The following SEPTIN8 variants were observed in gnomAD, a reference collection of about 807,000 sequenced individuals.
SEPTIN8 encodes septin-8.
A neutral mutation model predicts 53.1 loss-of-function variants in SEPTIN8; 22 were observed. The ratio of observed to expected loss-of-function variants is 0.41; its 90% CI spans 0.30 to 0.59. SEPTIN8 has a LOEUF of 0.59. Among genes scored for constraint, SEPTIN8 ranks in the 20% least tolerant of loss-of-function variants. SEPTIN8 has a pLI of 0.24. For missense variants in SEPTIN8, 536 were observed against 638.7 expected (o/e 0.84, Z 1.73); for synonymous variants, 228 against 248.4 (o/e 0.92, Z 0.77).
In SEPTIN8 at chr5:132,764,321, G is replaced by C. The variant is rs199555629; in HGVS notation, c.250C>G (p.Arg84Gly). Residue 84 changes from arginine (R) to glycine (G), a missense_variant, in exon 3 of 10, where the codon CGG becomes GGG. Coordinates refer to ENST00000378719, the MANE Select transcript of SEPTIN8 (RefSeq NM_001098811.2). ...ASHHEACVRL[R>G]PQTYDLQESN... ...TCCTGGAGGTCATAGGTCTGGGGCC[G>C]CAGGCGCACGCATGCCTCATGGTGA... 6.2e-7 allele frequency: 1 copy of C among 1,614,198 alleles called. No individual in the cohort carries two copies. Among genetic ancestry groups the C allele is most frequent in the Non-Finnish European group, 8.5e-7 (1 of 1,180,008 alleles).
At chr5:132,757,178 T>C in intron 9 of SEPTIN8, 1 of 976,160 alleles carries the variant, frequency 1.0e-6, no homozygotes, top group Non-Finnish European at 1.2e-6. Flanking sequence ...ATATTAACAT[T>C]GTTTTTCTTA....
rs1210523077 is a variant in SEPTIN8 at position 132,761,573 on chromosome 5, C to G, written c.847G>C (p.Val283Leu). Residue 283 changes from valine (V) to leucine (L), a missense_variant, in exon 7 of 10, where the codon GTG becomes CTG. Val to Leu is a conservative substitution (Grantham distance 32). Coordinates refer to ENST00000378719, the MANE Select transcript of SEPTIN8 (RefSeq NM_001098811.2). The surrounding 1 kb of genome is among the most constrained non-coding windows in gnomAD (Gnocchi z 5.8). ...FVKLREMLIR[V>L]NMEDLREQTH... is the part of the protein sequence containing the mutation. ...TGCTCGCGGAGGTCTTCCATGTTCACCCGGATCAACATCTCCCGCAGCTTC... is the reference window on the plus strand; with the variant it reads ...TGCTCGCGGAGGTCTTCCATGTTCAGCCGGATCAACATCTCCCGCAGCTTC... The G allele has an allele frequency of 5.0e-6, 8 of 1,613,906 alleles. No homozygotes were observed. Among genetic ancestry groups the G allele is most frequent in the Non-Finnish European group, 5.9e-6 (7 of 1,180,006 alleles).
intron 1 of SEPTIN8, among the ~76,000 whole-genome samples, chr5:132,767,274 C>T (rs531469616): frequency 6.6e-6 from 1 of 152,252 alleles, no homozygotes; most frequent in African/African-American, 2.4e-5. Flanking sequence ...CTAGGAGGTG[C>T]TGGGTCAGGT....
At chr5:132,756,185 CAG>C in intron 9 of SEPTIN8, 1 of 985,452 alleles carries the variant, frequency 1.0e-6, no homozygotes, top group South Asian at 4.7e-5. Flanking sequence ...CCCCACTTAA[CAG>C]GGAGCCCACA....
upstream of SEPTIN8, among the ~76,000 whole-genome samples, chr5:132,779,344 G>T (rs1758001585): frequency 6.6e-6 from 1 of 152,172 alleles, no homozygotes; most frequent in East Asian, 1.9e-4. Context: ...AAAAAGATTG[G>T]TCTCACCGTC....
chr5:132,769,836 A>G (rs1201708599), intron 1 of SEPTIN8, among the ~76,000 whole-genome samples: 2 of 151,072 alleles, frequency 1.3e-5, no homozygotes, highest in Non-Finnish European at 2.9e-5. Context: ...GAGAGGTGGG[A>G]ATGGCAGAGA....
chr5:132,762,394 G>T, intron 5 of SEPTIN8, 90 bp downstream of exon 5: 1 of 1,313,946 alleles, frequency 7.6e-7, no homozygotes, highest in East Asian at 2.3e-5. Flanking sequence ...TGGAATCCTG[G>T]GGAACAAGAG....
intron 9 of SEPTIN8, chr5:132,753,402 G>T (rs1325658547): frequency 5.7e-6 from 1 of 176,178 alleles, no homozygotes; most frequent in Non-Finnish European, 1.2e-5. Flanking sequence ...TGCCAGAGCT[G>T]GCCAGGTCCT....
At chr5:132,771,014 GC>G (rs1379250238) in intron 1 of SEPTIN8, among the ~76,000 whole-genome samples, 1 of 152,194 alleles carries the variant, frequency 6.6e-6, no homozygotes, top group African/African-American at 2.4e-5. Context: ...TCTCAGGCCG[GC>G]TGCGTGCCTC....
intron 1 of SEPTIN8, chr5:132,775,736 G>A (rs1189210955): frequency 6.6e-6 from 1 of 152,208 alleles, no homozygotes; most frequent in Non-Finnish European, 1.5e-5. Flanking sequence ...GGCACTCACG[G>A]GTCTCTTGGC....
At chr5:132,777,719 G>T (rs1757930722), upstream of SEPTIN8, 4 of 985,542 alleles carry the variant, frequency 4.1e-6, no homozygotes, top group Non-Finnish European at 4.8e-6. The surrounding 1 kb of genome is among the most constrained non-coding windows in gnomAD (Gnocchi z 4.1). Context: ...ATCCGGGAGA[G>T]GCCGCGGCAG....
chr5:132,779,092 T>C (rs998285083), upstream of SEPTIN8, among the ~76,000 whole-genome samples: 1 of 152,220 alleles, frequency 6.6e-6, no homozygotes, highest in Admixed American at 6.5e-5. Flanking sequence ...CTTCCTTCTT[T>C]TGGGATATAT....
chr5:132,774,028 C>T, intron 1 of SEPTIN8: 1 of 154,888 alleles, frequency 6.5e-6, no homozygotes. Context: ...TTCGGCATGG[C>T]TCAGCAAGGA....
intron 3 of SEPTIN8, 165 bp downstream of exon 3, chr5:132,764,059 A>G: frequency 1.1e-6 from 1 of 934,218 alleles, no homozygotes; most frequent in East Asian, 2.6e-5. Context: ...CCCCTTCTCC[A>G]GACACCTAAA....
intron 1 of SEPTIN8, among the ~76,000 whole-genome samples, chr5:132,770,020 T>TAC (rs1757061649): frequency 2.9e-5 from 1 of 34,338 alleles, no homozygotes; most frequent in Non-Finnish European, 5.9e-5. Flanking sequence ...TATATATATA[T>TAC]ATACACACAC....
chr5:132,775,535 C>T (rs1757710367), intron 1 of SEPTIN8, among the ~76,000 whole-genome samples: 1 of 152,190 alleles, frequency 6.6e-6, no homozygotes, highest in Admixed American at 6.5e-5. Flanking sequence ...GTTAAATAAC[C>T]TGCCCAAGGT....
In SEPTIN8 at chr5:132,773,335, A is replaced by T. The variant is rs1757494608; in HGVS notation, c.30+3773T>A. 6.6e-6 allele frequency among the ~76,000 whole-genome samples: 1 copy of T among 152,198 alleles called. No individual in the cohort carries two copies. The highest frequency in any genetic ancestry group is 1.5e-5 in the Non-Finnish European group (1 of 68,020). On this transcript the variant is annotated intron_variant, in intron 1 of 9. Transcript: ENST00000378719. The surrounding 1 kb of genome is among the most constrained non-coding windows in gnomAD (Gnocchi z 4.2). Reference sequence around the variant, plus strand: ...GAGGCAGGAAGGCTGGGGAGGCTGCAAGGGACACACAGAGGCCAGCTGGCC... The same window carrying T: ...GAGGCAGGAAGGCTGGGGAGGCTGCTAGGGACACACAGAGGCCAGCTGGCC...
chr5:132,777,490 G>C, upstream of SEPTIN8: 1 of 966,424 alleles, frequency 1.0e-6, no homozygotes, highest in Non-Finnish European at 1.2e-6. The surrounding 1 kb of genome is among the most constrained non-coding windows in gnomAD (Gnocchi z 4.1). Flanking sequence ...GCTCGGGGCT[G>C]GTGCCCGGCG....
At chr5:132,757,176 A>G in intron 9 of SEPTIN8, 1 of 975,558 alleles carries the variant, frequency 1.0e-6, no homozygotes, top group Non-Finnish European at 1.2e-6. Context: ...TTATATTAAC[A>G]TTGTTTTTCT....
Sources: allele counts gnomAD v4.1 joint callset (sites outside exome capture counted in the v4.1 genomes callset), GRCh38; gene constraint gnomAD v4.1.1; non-coding constraint Gnocchi (gnomAD v3.1); transcripts MANE v1.5; gene names NCBI Gene and HGNC (gene_info 2026-07-23, HGNC 2026-07-21).